The following CPA6 variants were observed in gnomAD, a reference collection of about 807,000 sequenced individuals.
CPA6 encodes the protein carboxypeptidase B.
CPA6 carries 58 observed loss-of-function variants against 63.3 expected under a neutral mutation model. The observed-to-expected ratio is 0.92, with a 90% confidence interval of 0.74 to 1.14. The LOEUF is 1.14. Among genes scored for constraint, CPA6 ranks in the 50% most tolerant of loss-of-function variants. The pLI is 0.00. For synonymous variants in CPA6, 185 were observed against 179.0 expected (o/e 1.03, Z -0.27); for missense variants, 565 against 526.6 (o/e 1.07, Z -0.71).
chr8:67,639,166 C>T (rs184392401), intron 1 of CPA6, among the ~76,000 whole-genome samples: 4 of 151,636 alleles, frequency 2.6e-5, no homozygotes, highest in South Asian at 2.1e-4. Context: ...TAAAGAGCCC[C>T]GTGGTAAATA....
In CPA6 at chr8:67,721,539, T is replaced by C. The variant is rs975713053; in HGVS notation, c.116+24475A>G. ...ATGACTGAGTTTTTGAAACAAAGTA[T>C]ATGCATTGTAGCTGGACACCACAAT... On this transcript the variant is annotated intron_variant, in intron 1 of 10. Transcript: ENST00000297770. Among the ~76,000 whole-genome samples, 11 of 152,190 alleles carry C rather than the reference T, an allele frequency of 7.2e-5. No homozygotes were observed. The East Asian group carries it at 1.5e-3, about 21-fold the overall frequency.
In CPA6 at chr8:67,746,098, G is replaced by A; in HGVS notation, c.32C>T (p.Ala11Val). 6.2e-7 allele frequency: 1 copy of A among 1,613,908 alleles called. No individual in the cohort carries two copies. Among genetic ancestry groups the A allele is most frequent in the South Asian group, 1.1e-5 (1 of 91,034 alleles). Reference protein sequence around the residue: MKCLGKRRGQAAAFLPLCWLF... With the variant: MKCLGKRRGQVAAFLPLCWLF... ...CCAGCAAAGAGGCAGGAAAGCAGCT[G>A]CCTGGCCCCTGCGCTTCCCGAGACA... The change falls in exon 1 of 11, where the codon GCA becomes GTA. Residue 11 changes from alanine (A) to valine (V), a missense_variant. By Grantham distance (64) the Ala-to-Val change is moderately conservative (BLOSUM62 0). Transcript: ENST00000297770.
intron 2 of CPA6, among the ~76,000 whole-genome samples, chr8:67,529,801 G>T (rs2128968739): frequency 6.6e-6 from 1 of 152,194 alleles, no homozygotes; most frequent in African/African-American, 2.4e-5. Context: ...GTGGCCCAAT[G>T]ATCCAATCAT....
chr8:67,715,825 T>C (rs937416921), intron 1 of CPA6, among the ~76,000 whole-genome samples: 9 of 152,114 alleles, frequency 5.9e-5, no homozygotes, highest in African/African-American at 2.2e-4. Flanking sequence ...TCCTTCAGAC[T>C]TTCTAAGGCA....
At chr8:67,492,112 C>T (rs958604560) in intron 6 of CPA6, among the ~76,000 whole-genome samples, 7 of 152,076 alleles carry the variant, frequency 4.6e-5, no homozygotes, top group African/African-American at 1.7e-4. Context: ...GAGATCTGAA[C>T]CCAAATATAA....
At chr8:67,455,908 T>C (rs1252312033) in intron 8 of CPA6, among the ~76,000 whole-genome samples, 1 of 151,868 alleles carries the variant, frequency 6.6e-6, no homozygotes, top group East Asian at 1.9e-4. Flanking sequence ...AAAGATGGGG[T>C]CTTGCCATAT....
chr8:67,533,910 A>T (rs746931898), intron 2 of CPA6, among the ~76,000 whole-genome samples: 11 of 152,178 alleles, frequency 7.2e-5, no homozygotes, highest in Non-Finnish European at 1.3e-4. Flanking sequence ...TTCCCCATCA[A>T]GTAGGTCTCA....
intron 7 of CPA6, among the ~76,000 whole-genome samples, chr8:67,484,297 C>T (rs1341962059): frequency 1.3e-5 from 2 of 152,094 alleles, no homozygotes; most frequent in Admixed American, 6.5e-5. Context: ...TGGTCTCGAT[C>T]TCCTGACCTT....
chr8:67,689,378 C>T (rs139985734), intron 1 of CPA6, among the ~76,000 whole-genome samples: 35 of 152,218 alleles, frequency 2.3e-4, no homozygotes, highest in Non-Finnish European at 4.1e-4. Flanking sequence ...GATTCTATCA[C>T]CCAGGTAATG....
intron 1 of CPA6, among the ~76,000 whole-genome samples, chr8:67,675,709 A>AG (rs1816456289): frequency 6.6e-6 from 1 of 152,190 alleles, no homozygotes; most frequent in Non-Finnish European, 1.5e-5. Flanking sequence ...TGGACTGTGG[A>AG]GGGGGCTTTT....
chr8:67,622,820 G>T (rs1027014367), intron 2 of CPA6, among the ~76,000 whole-genome samples: 39 of 152,204 alleles, frequency 2.6e-4, no homozygotes. Flanking sequence ...GATTAATGAG[G>T]CCTGTTTGGT....
At chr8:67,692,280 G>T (rs1450752559) in intron 1 of CPA6, among the ~76,000 whole-genome samples, 1 of 148,434 alleles carries the variant, frequency 6.7e-6, no homozygotes, top group Non-Finnish European at 1.5e-5. Flanking sequence ...AGGTTGCGGT[G>T]AGCCGAGATT....
chr8:67,602,272 G>A (rs1814515754), intron 2 of CPA6, among the ~76,000 whole-genome samples: 1 of 151,950 alleles, frequency 6.6e-6, no homozygotes, highest in African/African-American at 2.4e-5. Context: ...TTATCTTCTT[G>A]GATTTGTGTA....
chr8:67,725,063 A>G (rs933576277), intron 1 of CPA6, among the ~76,000 whole-genome samples: 2 of 152,230 alleles, frequency 1.3e-5, no homozygotes, highest in African/African-American at 4.8e-5. Context: ...GTGGAAATTC[A>G]GTGAAAACAA....
chr8:67,554,135 T>C (rs937543549), intron 2 of CPA6, among the ~76,000 whole-genome samples: 1 of 150,980 alleles, frequency 6.6e-6, no homozygotes, highest in African/African-American at 2.4e-5. Flanking sequence ...GATTAGGGAG[T>C]GTAATAGGTC....
chr8:67,477,106 C>T (rs1033681090), intron 8 of CPA6, among the ~76,000 whole-genome samples: 19 of 151,862 alleles, frequency 1.3e-4, no homozygotes, highest in Middle Eastern at 3.4e-3. Context: ...CTGGCTAACA[C>T]GGTGAAACCC....
chr8:67,486,176 G>A (rs773291339), intron 6 of CPA6, among the ~76,000 whole-genome samples: 63 of 152,292 alleles, frequency 4.1e-4, no homozygotes, highest in Admixed American at 1.2e-3. Flanking sequence ...AACCATCCTT[G>A]TATTCCTGGG....
intron 1 of CPA6, among the ~76,000 whole-genome samples, chr8:67,649,689 T>C (rs973633646): frequency 4.5e-4 from 69 of 152,218 alleles, no homozygotes; most frequent in African/African-American, 1.6e-3. Flanking sequence ...TCGTACCAAA[T>C]TGTTCATTAT....
At chr8:67,490,907 T>C (rs1463722918) in intron 6 of CPA6, among the ~76,000 whole-genome samples, 1 of 152,160 alleles carries the variant, frequency 6.6e-6, no homozygotes, top group African/African-American at 2.4e-5. Context: ...TTTTTGAGGA[T>C]TGGTGTTAAT....
Sources: gnomAD v4.1 joint callset for allele counts (sites outside exome capture counted in the v4.1 genomes callset) on GRCh38, gnomAD v4.1.1 for gene constraint, MANE v1.5 for transcripts, NCBI Gene and HGNC (gene_info 2026-07-23, HGNC 2026-07-21) for gene names.